The following PHF11 variants were observed in gnomAD, a reference collection of about 807,000 sequenced individuals.
PHF11 encodes the protein BRCA1 C-terminus-associated protein.
A neutral mutation model predicts 40.5 loss-of-function variants in PHF11; 38 were observed. The ratio of observed to expected loss-of-function variants is 0.94; its 90% CI spans 0.72 to 1.23. The LOEUF (loss-of-function observed/expected upper bound fraction) is 1.23. Ranked by LOEUF, PHF11 falls within the 50% of genes most tolerant of loss-of-function variation. The pLI, the probability that PHF11 is intolerant of heterozygous loss-of-function variation, is 0.00. For synonymous variants in PHF11, 127 were observed against 138.2 expected (o/e 0.92, Z 0.57); for missense variants, 369 against 392.4 (o/e 0.94, Z 0.50).
intron 8 of PHF11, 64 bp from the exon 9 acceptor site, chr13:49,526,323 T>C (rs966754678): frequency 1.2e-5 from 12 of 1,010,672 alleles, no homozygotes; most frequent in East Asian, 2.5e-5. Flanking sequence ...GGATTACATA[T>C]ATAAATGGAG....
Position 49,520,893 on chromosome 13 carries a change from G to T in PHF11, c.459-1G>T. On this transcript the variant is annotated splice_acceptor_variant, in intron 4 of 9. Transcript: ENST00000378319. LOFTEE classifies it high-confidence loss of function. The stretch of plus-strand genomic sequence containing the variant: ...CAATTCTTTGAAATTAAATATTTCA[G>T]ACTGCTTTGCCAGCAACATGCTCAA... The T allele has an allele frequency of 6.4e-7, 1 of 1,559,362 alleles. No homozygotes were observed. The highest frequency in any genetic ancestry group is 1.2e-5 in the South Asian group (1 of 84,470).
intron 8 of PHF11, 198 bp from the exon 9 acceptor site, chr13:49,526,189 A>G: frequency 2.0e-6 from 1 of 498,070 alleles, no homozygotes; most frequent in Non-Finnish European, 3.6e-6. Flanking sequence ...AAAAAAAAAA[A>G]AGAAAAAAGA....
chr13:49,504,864 G>A (rs1958962746), intron 1 of PHF11, among the ~76,000 whole-genome samples: 8 of 150,028 alleles, frequency 5.3e-5, no homozygotes, highest in Non-Finnish European at 1.2e-4. Flanking sequence ...ATTTTGTTCT[G>A]TACTAAGAAA....
chr13:49,519,191 G>A (rs74790381), intron 4 of PHF11, among the ~76,000 whole-genome samples: 3,801 of 152,268 alleles, frequency 0.025, 144 homozygotes, highest in African/African-American at 0.086. Flanking sequence ...TTGCTAATCA[G>A]ACATGAAATG....
chr13:49,513,219 T>G, intron 3 of PHF11, 53 bp downstream of exon 3: 1 of 853,194 alleles, frequency 1.2e-6, no homozygotes, highest in Non-Finnish European at 2.0e-6. Flanking sequence ...CCTCAAGGAA[T>G]GCATTCCAAA....
Position 49,526,645 on chromosome 13 carries a change from T to C in PHF11, c.841+187T>C, listed in dbSNP as rs548758539. 2.2e-5 allele frequency among the ~76,000 whole-genome samples: 2 copies of C among 88,954 alleles called. 1 individual carries two copies. The highest frequency in any genetic ancestry group is 6.0e-4 in the South Asian group (2 of 3,326). 58.4% of individuals were successfully genotyped at this position (88,954 alleles called of 152,430 possible). A position where few individuals can be genotyped will look rare whatever the true frequency, so the allele number is the denominator to read the frequency against. ...TGCCCACACACACAGGAAAAAAATATCGAGGTACATGTGCACAGACAAAAG... is the reference window on the plus strand; with the variant it reads ...TGCCCACACACACAGGAAAAAAATACCGAGGTACATGTGCACAGACAAAAG... On this transcript the variant is annotated intron_variant, in intron 9 of 9. Transcript: ENST00000378319.
chr13:49,513,481 C>A (rs933824875), intron 3 of PHF11, among the ~76,000 whole-genome samples: 2 of 151,978 alleles, frequency 1.3e-5, no homozygotes, highest in African/African-American at 4.8e-5. Flanking sequence ...CAGGCACGGG[C>A]CACCATGCTC....
chr13:49,501,857 A>G (rs954516702), intron 1 of PHF11, among the ~76,000 whole-genome samples: 2 of 152,014 alleles, frequency 1.3e-5, no homozygotes, highest in Non-Finnish European at 2.9e-5. Context: ...TGCCCGGCTA[A>G]TTTTTGTAAT....
intron 5 of PHF11, chr13:49,521,526 T>G: frequency 2.0e-6 from 2 of 978,372 alleles, no homozygotes; most frequent in Non-Finnish European, 2.4e-6. Flanking sequence ...AAATAGCACC[T>G]CTACAATCAT....
intron 9 of PHF11, among the ~76,000 whole-genome samples, 196 bp from the exon 10 acceptor site, chr13:49,528,315 G>C (rs1487717632): frequency 6.6e-6 from 1 of 152,174 alleles, no homozygotes; most frequent in African/African-American, 2.4e-5. Context: ...ATAAATGTTA[G>C]AATTCTGTCC....
rs756581200 is a variant in PHF11 at position 49,528,610 on chromosome 13, A to G, written c.941A>G (p.Gln314Arg). ...TTAAAACAAACCTTGTGCTCTTTTC[A>G]AGAAAATAGAGATCTTATGTCAAGT... ...QDLKQTLCSF[Q>R]ENRDLMSSST... Residue 314 changes from glutamine to arginine, a missense_variant, in exon 10 of 10, where the codon CAA becomes CGA. Physicochemically the swap from Gln to Arg is conservative, Grantham distance 43. Transcript: ENST00000378319. 6.2e-6 allele frequency: 10 copies of G among 1,611,310 alleles called. No homozygotes were observed. The South Asian group carries it at 1.1e-4, about 18-fold the overall frequency.
intron 1 of PHF11, 117 bp from the exon 2 acceptor site, chr13:49,506,518 G>A: frequency 1.2e-6 from 1 of 842,944 alleles, no homozygotes; most frequent in Non-Finnish European, 1.9e-6. Context: ...GTCTCTCTGG[G>A]AATTAAGACT....
chr13:49,524,052 T>C (rs574985563), intron 7 of PHF11, 33 bp from the exon 8 acceptor site: 2 of 1,586,410 alleles, frequency 1.3e-6, no homozygotes, highest in African/African-American at 1.4e-5. Flanking sequence ...GCCCTAAGAC[T>C]ATTTCCTTCT....
chr13:49,512,631 A>G (rs1959094432), intron 2 of PHF11, among the ~76,000 whole-genome samples: 1 of 152,242 alleles, frequency 6.6e-6, no homozygotes, highest in African/African-American at 2.4e-5. Flanking sequence ...AAAGGCAGGC[A>G]TGCAGGTGGG....
intron 4 of PHF11, 73 bp from the exon 5 acceptor site, chr13:49,520,821 C>A: frequency 9.2e-7 from 1 of 1,086,060 alleles, no homozygotes; most frequent in Non-Finnish European, 1.3e-6. Flanking sequence ...CGTTTTTAAT[C>A]ACAAAAATAG....
chr13:49,513,328 ATT>A (rs5803468), intron 3 of PHF11, among the ~76,000 whole-genome samples, 162 bp downstream of exon 3: 2,465 of 126,122 alleles, frequency 0.02, 54 homozygotes, highest in African/African-American at 0.062. Context: ...TTAACATTTA[ATT>A]TTTTTTTTTT....
At chr13:49,523,486 C>G (rs1959201647) in intron 7 of PHF11, 1 of 495,828 alleles carries the variant, frequency 2.0e-6, no homozygotes. Context: ...AATAAAGACA[C>G]AGACAGGCTT....
intron 8 of PHF11, chr13:49,525,772 G>C (rs754278738): frequency 3.7e-5 from 17 of 456,106 alleles, no homozygotes; most frequent in Admixed American, 1.2e-4. Flanking sequence ...ATTTCCTCTA[G>C]ACCAAGCACT....
chr13:49,528,424 C>A, intron 9 of PHF11, 87 bp from the exon 10 acceptor site: 2 of 925,078 alleles, frequency 2.2e-6, no homozygotes, highest in Non-Finnish European at 3.2e-6. Context: ...GTATCTGTAC[C>A]TGCAAGTGAA....
Sources: allele counts gnomAD v4.1 joint callset (sites outside exome capture counted in the v4.1 genomes callset), GRCh38; gene constraint gnomAD v4.1.1; transcripts MANE v1.5; gene names NCBI Gene and HGNC (gene_info 2026-07-23, HGNC 2026-07-21).